JAM2: variants seen among roughly 807,000 people sequenced by gnomAD.
The protein encoded by JAM2 is junctional adhesion molecule B.
A neutral mutation model predicts 42.0 loss-of-function variants in JAM2; 17 were observed. The observed-to-expected ratio is 0.40, with a 90% confidence interval of 0.28 to 0.61. JAM2 has a LOEUF of 0.61. JAM2 is among the 20% of genes least tolerant of loss of function. The probability of loss-of-function intolerance (pLI) is 0.37; values close to 1 mark genes in which losing one functional copy is unlikely to be tolerated. For synonymous variants in JAM2, 118 were observed against 128.6 expected (o/e 0.92, Z 0.56); for missense variants, 319 against 358.3 (o/e 0.89, Z 0.89).
At chr21:25,714,067 C>T (rs1253393634) in intron 9 of JAM2, among the ~76,000 whole-genome samples, 1 of 152,272 alleles carries the variant, frequency 6.6e-6, no homozygotes, top group African/African-American at 2.4e-5. Context: ...TGGCCTCCAA[C>T]ACCAGATGCC....
rs1174975067 is a variant in JAM2, at chr21:25,706,067, G to C, written c.786G>C (p.Gln262His). The change falls in exon 7 of 10, where the codon CAG becomes CAC. Residue 262 changes from glutamine to histidine, a missense_variant. Coordinates refer to ENST00000480456, the MANE Select transcript of JAM2 (RefSeq NM_021219.4). ...GTGGCCTTGGTGTATGCTATGCTCAGAGGAAAGGCTACTTTTCAAGTAAGT... is the reference window on the plus strand; with the variant it reads ...GTGGCCTTGGTGTATGCTATGCTCACAGGAAAGGCTACTTTTCAAGTAAGT... ...SVCGLGVCYA[Q>H]RKGYFSKETS... 1 of 1,610,534 alleles carries C rather than the reference G, an allele frequency of 6.2e-7. No individual in the cohort carries two copies. The highest frequency in any genetic ancestry group is 1.3e-5 in the African/African-American group (1 of 74,860).
intron 1 of JAM2, among the ~76,000 whole-genome samples, chr21:25,667,513 T>C (rs1199655809): frequency 6.6e-6 from 1 of 152,240 alleles, no homozygotes; most frequent in Non-Finnish European, 1.5e-5. Flanking sequence ...AATTGTTCTA[T>C]TATTCTTGTT....
chr21:25,689,022 T>G (rs908206020), intron 2 of JAM2, among the ~76,000 whole-genome samples: 6 of 151,422 alleles, frequency 4.0e-5, no homozygotes, highest in South Asian at 4.2e-4. Flanking sequence ...GTTTTTTGTT[T>G]TTTTTTTTTT....
Position 25,651,984 on chromosome 21 carries a change from T to C in JAM2, c.67+12096T>C, listed in dbSNP as rs866348935. 2.0e-5 allele frequency among the ~76,000 whole-genome samples: 3 copies of C among 152,380 alleles called. 1 individual carries two copies. The Middle Eastern group carries it at 0.01, about 518-fold the overall frequency. On this transcript the variant is annotated intron_variant, in intron 1 of 9. Coordinates refer to ENST00000480456, the MANE Select transcript of JAM2 (RefSeq NM_021219.4). ...GGAATGGAACAGACTTCTCTTACTA[T>C]GTATAGCTTATTACATAGATTTCAT...
intron 4 of JAM2, among the ~76,000 whole-genome samples, chr21:25,695,594 G>A (rs1054510231): frequency 2.7e-5 from 4 of 149,932 alleles, no homozygotes; most frequent in Non-Finnish European, 4.5e-5. Flanking sequence ...GGCGGCGGCC[G>A]GGCAGAGGCG....
chr21:25,683,758 G>A (rs573937959), intron 1 of JAM2, 125 bp from the exon 2 acceptor site: 2 of 650,462 alleles, frequency 3.1e-6, no homozygotes, highest in African/African-American at 1.9e-5. Flanking sequence ...AAAACTATGT[G>A]TTATGAATTG....
intron 3 of JAM2, among the ~76,000 whole-genome samples, chr21:25,691,597 G>A (rs535689513): frequency 6.6e-6 from 1 of 152,218 alleles, no homozygotes; most frequent in African/African-American, 2.4e-5. Flanking sequence ...TTCTTGTGCC[G>A]CAGTGTTACG....
chr21:25,699,721 TCAAAAAAA>T (rs2034124183), intron 5 of JAM2, among the ~76,000 whole-genome samples: 1 of 43,036 alleles, frequency 2.3e-5, no homozygotes, highest in African/African-American at 1.4e-4. Flanking sequence ...AGGCTCCGTC[TCAAAAAAA>T]AAAAAAAAAA....
chr21:25,696,121 T>C (rs1383444165), intron 4 of JAM2, among the ~76,000 whole-genome samples: 1 of 152,146 alleles, frequency 6.6e-6, no homozygotes, highest in Non-Finnish European at 1.5e-5. Context: ...TGAACGAGAC[T>C]CCGTCTGCAA....
intron 1 of JAM2, among the ~76,000 whole-genome samples, chr21:25,680,326 C>G (rs1487180926): frequency 2.0e-5 from 3 of 152,150 alleles, no homozygotes; most frequent in Non-Finnish European, 4.4e-5. Context: ...TCCCTGAGCA[C>G]TTTGTGGCAT....
intron 7 of JAM2, among the ~76,000 whole-genome samples, chr21:25,707,666 A>C (rs2034300162): frequency 1.3e-5 from 2 of 152,152 alleles, no homozygotes; most frequent in Admixed American, 1.3e-4. Flanking sequence ...TATTCTCTTA[A>C]TGCATTTCTT....
At chr21:25,651,998 C>A (rs1340919578) in intron 1 of JAM2, among the ~76,000 whole-genome samples, 1 of 152,164 alleles carries the variant, frequency 6.6e-6, no homozygotes, top group Non-Finnish European at 1.5e-5. Flanking sequence ...TAGCTTATTA[C>A]ATAGATTTCA....
intron 1 of JAM2, among the ~76,000 whole-genome samples, chr21:25,677,951 T>C (rs2033537222): frequency 6.6e-6 from 1 of 152,154 alleles, no homozygotes; most frequent in South Asian, 2.1e-4. Context: ...TCAGAGATTT[T>C]GTCATCAAAA....
intron 1 of JAM2, among the ~76,000 whole-genome samples, chr21:25,665,597 T>C (rs1216555386): frequency 6.6e-6 from 1 of 152,154 alleles, no homozygotes; most frequent in Non-Finnish European, 1.5e-5. Context: ...GACCCAGGAA[T>C]TGCCAAGGCT....
intron 1 of JAM2, among the ~76,000 whole-genome samples, chr21:25,676,797 A>G (rs527451042): frequency 6.6e-6 from 1 of 152,224 alleles, no homozygotes; most frequent in Non-Finnish European, 1.5e-5. Context: ...GCTATACCTA[A>G]CATCTGCTAG....
intron 3 of JAM2, among the ~76,000 whole-genome samples, chr21:25,690,825 T>G (rs981373702): frequency 3.3e-5 from 5 of 152,162 alleles, no homozygotes; most frequent in African/African-American, 9.7e-5. Flanking sequence ...CATTATCAAG[T>G]GCTTTCTTTT....
Position 25,706,974 on chromosome 21 carries a change from CTG to C in JAM2, c.805+889_805+890del, listed in dbSNP as rs2034285888. On this transcript the variant is annotated intron_variant, in intron 7 of 9. Coordinates refer to ENST00000480456, the MANE Select transcript of JAM2 (RefSeq NM_021219.4). ...GGGATGGTCTCAATCTCCTGACCTC[CTG>C]ATCCACCCACCTTGGCCTCCCAAAG... 2.0e-5 allele frequency among the ~76,000 whole-genome samples: 3 copies of C among 151,790 alleles called. No individual in the cohort carries two copies. In the South Asian group the frequency reaches 6.3e-4, roughly 32 times the overall value.
chr21:25,639,953 C>T (rs1040772809), intron 1 of JAM2, 65 bp downstream of exon 1: 14 of 1,186,302 alleles, frequency 1.2e-5, no homozygotes, highest in South Asian at 1.1e-4. Flanking sequence ...TCCAGCCCCC[C>T]ACGGGGCGCT....
chr21:25,671,287 G>C (rs573298314), intron 1 of JAM2, among the ~76,000 whole-genome samples: 2 of 91,446 alleles, frequency 2.2e-5, no homozygotes, highest in Admixed American at 3.0e-4. Flanking sequence ...AGTTCCCTGT[G>C]TAAGAAAAAT....
Sources: allele counts gnomAD v4.1 joint callset (sites outside exome capture counted in the v4.1 genomes callset), GRCh38; gene constraint gnomAD v4.1.1; transcripts MANE v1.5; gene names NCBI Gene and HGNC (gene_info 2026-07-23, HGNC 2026-07-21).